Variants in MYH10 observed in about 807,000 individuals in gnomAD.
MYH10 encodes myosin heavy chain 10, also known as myosin-10.
MYH10 carries 55 observed loss-of-function variants against 257.8 expected under a neutral mutation model. That is an observed-to-expected ratio of 0.21 (90% CI 0.17 to 0.27). The LOEUF (loss-of-function observed/expected upper bound fraction) is 0.27, where lower values mean the gene tolerates loss of function less well. MYH10 is among the 10% of genes least tolerant of loss of function. The pLI is 1.00. For missense variants in MYH10, 1,631 were observed against 2,500.6 expected, an observed-to-expected ratio of 0.65 and a Z score of 7.42; for synonymous variants, 854 against 921.7, an observed-to-expected ratio of 0.93 and a Z score of 1.33.
intron 35 of MYH10, among the ~76,000 whole-genome samples, chr17:8,488,301 G>A (rs1450135597): frequency 6.6e-6 from 1 of 152,142 alleles, no homozygotes; most frequent in African/African-American, 2.4e-5. Context: ...AGAAGAAGGT[G>A]CTCTGGAGTC....
chr17:8,526,859 A>G (rs2081863600), intron 17 of MYH10, among the ~76,000 whole-genome samples: 1 of 152,170 alleles, frequency 6.6e-6, no homozygotes, highest in African/African-American at 2.4e-5. Flanking sequence ...TCAGAAATTC[A>G]TTCTACTTAA....
intron 31 of MYH10, 75 bp downstream of exon 31, chr17:8,495,062 G>A: frequency 1.1e-6 from 1 of 905,596 alleles, no homozygotes. Context: ...CAATTCTGGG[G>A]CCAGCATATT....
chr17:8,548,686 C>A lies in MYH10; in HGVS notation c.1021G>T (p.Glu341Ter). The A allele has an allele frequency of 6.2e-7, 1 of 1,614,114 alleles. No individual in the cohort carries two copies. Among genetic ancestry groups the A allele is most frequent in the Non-Finnish European group, 8.5e-7 (1 of 1,179,988 alleles). ...QDKDNFQETM[E>*]AMHIMGFSHE... ...GAGAAGCCCATTATGTGCATTGCTT[C>A]CATGGTCTCCTGGAAATTATCTTTG... Residue 341 changes from glutamate to a stop codon, truncating the protein, a stop_gained, in exon 10 of 43, where the codon GAA (glutamate) becomes TAA (stop). Coordinates refer to ENST00000360416, the MANE Select transcript of MYH10 (RefSeq NM_001256012.3). LOFTEE classifies it high-confidence loss of function.
chr17:8,487,700 C>T, intron 35 of MYH10, 106 bp from the exon 36 acceptor site: 1 of 1,277,718 alleles, frequency 7.8e-7, no homozygotes, highest in Non-Finnish European at 1.1e-6. Flanking sequence ...TGAGTGGAAA[C>T]TTCTGTTACT....
At chr17:8,514,958 C>T (rs1156889306) in intron 21 of MYH10, among the ~76,000 whole-genome samples, 4 of 152,164 alleles carry the variant, frequency 2.6e-5, no homozygotes, top group African/African-American at 9.7e-5. Context: ...GAACGGCCTC[C>T]GAGTCTCCTG....
At chr17:8,575,671 T>C (rs942278234) in intron 6 of MYH10, among the ~76,000 whole-genome samples, 5 of 152,244 alleles carry the variant, frequency 3.3e-5, no homozygotes, top group Non-Finnish European at 7.3e-5. Flanking sequence ...TAACAGATCA[T>C]TTCCATAACT....
At chr17:8,511,014 C>G (rs2081249916) in intron 24 of MYH10, 1 of 73,528 alleles carries the variant, frequency 1.4e-5, no homozygotes, top group Admixed American at 1.8e-4. Context: ...CTCATGTACC[C>G]CATATATATA....
rs771683816 is a variant in MYH10 at position 8,500,974 on chromosome 17, G to C, written c.3600-4C>G. The C allele has an allele frequency of 6.8e-6, 11 of 1,610,668 alleles. No homozygotes were observed. The East Asian group carries it at 2.5e-4, about 36-fold the overall frequency. The stretch of plus-strand genomic sequence containing the variant: ...CACTTCTTGTTCACGTTTTGTACTA[G>C]AGAAGGACATTTTTTAAGAGAGATC... On this transcript the variant is annotated splice_region_variant and splice_polypyrimidine_tract_variant and intron_variant, in intron 28 of 42. Coordinates refer to ENST00000360416, the MANE Select transcript of MYH10 (RefSeq NM_001256012.3).
chr17:8,538,770 T>G (rs987875361), intron 14 of MYH10, among the ~76,000 whole-genome samples: 1 of 152,226 alleles, frequency 6.6e-6, no homozygotes. Context: ...CGTCAGTGTC[T>G]GGGCATAACT....
chr17:8,516,860 C>T lies in MYH10; in HGVS notation c.2504+1771G>A, dbSNP rs199853247. On this transcript the variant is annotated intron_variant, in intron 21 of 42. Transcript: ENST00000360416. ...AAATATTAGTATATAAAAACCCGGCCGGGCACAGTGGCTCACGCCTGTAAT... is the reference window on the plus strand; with the variant it reads ...AAATATTAGTATATAAAAACCCGGCTGGGCACAGTGGCTCACGCCTGTAAT... 8.5e-5 allele frequency among the ~76,000 whole-genome samples: 13 copies of T among 152,088 alleles called. 1 individual carries two copies. In the East Asian group the frequency reaches 1.2e-3, roughly 14 times the overall value.
intron 17 of MYH10, among the ~76,000 whole-genome samples, chr17:8,524,449 C>CAAAAAA (rs541255427): frequency 1.9e-4 from 12 of 62,128 alleles, no homozygotes; most frequent in African/African-American, 7.3e-4. Context: ...GACTCTGTCT[C>CAAAAAA]AAAAAAAAAA....
intron 14 of MYH10, among the ~76,000 whole-genome samples, chr17:8,536,798 C>CAA (rs377714925): frequency 0.44 from 51,392 of 117,244 alleles, 9,642 homozygotes; most frequent in East Asian, 0.54. Flanking sequence ...GACTCTGTCT[C>CAA]AAAAAAAAAA....
rs2081370312 is a variant in MYH10 at position 8,513,688 on chromosome 17, G to GC, written c.2614-20_2614-19insG. The GC allele has an allele frequency of 2.6e-6, 4 of 1,519,392 alleles. No individual in the cohort carries two copies. The highest frequency in any genetic ancestry group is 3.6e-6 in the Non-Finnish European group (4 of 1,116,940). 94.1% of individuals were successfully genotyped at this position (1,519,392 alleles called of 1,614,324 possible). A position where few individuals can be genotyped will look rare whatever the true frequency, so the allele number is the denominator to read the frequency against. ...GCTTCACCTATGACAAAATTAAGCAGTTTTTTTTTTTTTATCATTCCAGCT... is the reference window on the plus strand; with the variant it reads ...GCTTCACCTATGACAAAATTAAGCAGCTTTTTTTTTTTTTATCATTCCAGCT... On this transcript the variant is annotated intron_variant, in intron 22 of 42. Coordinates refer to ENST00000360416, the MANE Select transcript of MYH10 (RefSeq NM_001256012.3).
intron 13 of MYH10, among the ~76,000 whole-genome samples, chr17:8,542,996 C>CT (rs1338876798): frequency 1.3e-5 from 2 of 152,106 alleles, no homozygotes; most frequent in African/African-American, 4.8e-5. Context: ...ATTTCTGTTC[C>CT]TTCTCTGTGA....
intron 13 of MYH10, among the ~76,000 whole-genome samples, chr17:8,544,438 A>G (rs1468093121): frequency 6.6e-6 from 1 of 152,174 alleles, no homozygotes; most frequent in Non-Finnish European, 1.5e-5. Context: ...GTTTATGTAG[A>G]GGAAAGTGAC....
At chr17:8,512,370 C>A in intron 24 of MYH10, 81 bp downstream of exon 24, 1 of 1,170,966 alleles carries the variant, frequency 8.5e-7, no homozygotes, top group Non-Finnish European at 1.2e-6. Context: ...ACTTAAGAAT[C>A]CAAACACATA....
At chr17:8,479,764 G>A (rs1198428956) in intron 40 of MYH10, among the ~76,000 whole-genome samples, 1 of 152,248 alleles carries the variant, frequency 6.6e-6, no homozygotes, top group Non-Finnish European at 1.5e-5. Context: ...TCTGATTTGT[G>A]TCATACTGCA....
intron 7 of MYH10, among the ~76,000 whole-genome samples, chr17:8,554,828 C>G (rs1462683901): frequency 6.6e-6 from 1 of 152,208 alleles, no homozygotes; most frequent in Non-Finnish European, 1.5e-5. Flanking sequence ...TGGCGCATGC[C>G]TGTAATCCCA....
At chr17:8,617,453 A>G (rs1196185075) in intron 2 of MYH10, among the ~76,000 whole-genome samples, 2 of 152,180 alleles carry the variant, frequency 1.3e-5, no homozygotes, top group African/African-American at 2.4e-5. Flanking sequence ...TTTAAACCCT[A>G]CCCACATTAT....
Sources: gnomAD v4.1 joint callset for allele counts (sites outside exome capture counted in the v4.1 genomes callset) on GRCh38, gnomAD v4.1.1 for gene constraint, MANE v1.5 for transcripts, NCBI Gene and HGNC (gene_info 2026-07-23, HGNC 2026-07-21) for gene names.